ARMC2: variants seen among roughly 807,000 people sequenced by gnomAD.
ARMC2 encodes the protein armadillo repeat-containing protein 2.
A neutral mutation model predicts 90.3 loss-of-function variants in ARMC2; 67 were observed. The ratio of observed to expected loss-of-function variants is 0.74; its 90% CI spans 0.61 to 0.91. The LOEUF (loss-of-function observed/expected upper bound fraction) is 0.91, where lower values mean the gene tolerates loss of function less well. Ranked by LOEUF, ARMC2 falls within the 40% of genes least tolerant of loss-of-function variation. The probability of loss-of-function intolerance (pLI) is 0.00; values close to 1 mark genes in which losing one functional copy is unlikely to be tolerated. For missense variants in ARMC2, 920 were observed against 1,030.9 expected, an observed-to-expected ratio of 0.89 and a Z score of 1.47; for synonymous variants, 393 against 393.0, an observed-to-expected ratio of 1.00 and a Z score of 0.00.
intron 5 of ARMC2, among the ~76,000 whole-genome samples, chr6:108,893,797 G>A (rs9480893): frequency 0.04 from 6,037 of 151,588 alleles, 426 homozygotes; most frequent in African/African-American, 0.14. Flanking sequence ...CGGGCAGATC[G>A]CCTGAGGTCA....
the ARMC2 span, chr6:109,002,430 T>G: frequency 9.9e-7 from 1 of 1,006,988 alleles, no homozygotes; most frequent in Non-Finnish European, 1.6e-6. Flanking sequence ...AAACAACCAG[T>G]CGAACAGAGA....
chr6:108,941,083 T>TAGAC lies in ARMC2; in HGVS notation c.1596+4108_1596+4111dup, dbSNP rs374326514. On this transcript the variant is annotated intron_variant, in intron 12 of 17. Coordinates refer to ENST00000392644, the MANE Select transcript of ARMC2 (RefSeq NM_032131.6). ...AGCCATTGATCACTAGCTAGCTAGC[T>TAGAC]AGACAGACAGACAGACAGACAGACA... is the stretch of plus-strand genomic sequence containing the variant. Among the ~76,000 whole-genome samples the TAGAC allele has an allele frequency of 6.6e-4, 101 of 152,210 alleles. 1 individual carries two copies. The highest frequency in any genetic ancestry group is 6.8e-3 in the Middle Eastern group (2 of 294).
At chr6:108,967,878 G>C (rs1004160434) in intron 17 of ARMC2, among the ~76,000 whole-genome samples, 13 of 152,050 alleles carry the variant, frequency 8.5e-5, no homozygotes, top group Admixed American at 7.2e-4. Context: ...CACATGTTCT[G>C]TTTCATTTCC....
At chr6:108,861,644 A>C (rs1297439656) in intron 3 of ARMC2, among the ~76,000 whole-genome samples, 7 of 152,200 alleles carry the variant, frequency 4.6e-5, no homozygotes, top group Non-Finnish European at 4.4e-5. Flanking sequence ...TATTGCAAGA[A>C]ATAATTTGCC....
At chr6:108,921,033 C>G (rs1279889744) in intron 10 of ARMC2, among the ~76,000 whole-genome samples, 1 of 152,196 alleles carries the variant, frequency 6.6e-6, no homozygotes, top group Non-Finnish European at 1.5e-5. Flanking sequence ...CTCCTCTCTT[C>G]ACTGTAGATC....
chr6:108,960,118 G>A (rs1777883274), intron 13 of ARMC2, among the ~76,000 whole-genome samples: 1 of 152,196 alleles, frequency 6.6e-6, no homozygotes, highest in Non-Finnish European at 1.5e-5. Flanking sequence ...CATATCTTAA[G>A]CTGAATTCAT....
intron 3 of ARMC2, among the ~76,000 whole-genome samples, chr6:108,865,911 G>T (rs1775765512): frequency 6.6e-6 from 1 of 151,720 alleles, no homozygotes; most frequent in South Asian, 2.1e-4. Flanking sequence ...CAGCTACTCA[G>T]GAGGCTGAGG....
chr6:108,886,062 G>A (rs1005315425), intron 5 of ARMC2, among the ~76,000 whole-genome samples: 10 of 152,178 alleles, frequency 6.6e-5, no homozygotes, highest in African/African-American at 2.4e-4. Flanking sequence ...TTTGAAAAAC[G>A]AAGTGTCTTT....
chr6:108,934,299 G>A (rs770040713), intron 11 of ARMC2, among the ~76,000 whole-genome samples: 35 of 152,100 alleles, frequency 2.3e-4, no homozygotes, highest in Admixed American at 7.9e-4. Context: ...TACCTGAATT[G>A]CTTTTGATTA....
At chr6:108,965,207 C>T in intron 17 of ARMC2, 67 bp downstream of exon 17, 4 of 1,404,160 alleles carry the variant, frequency 2.8e-6, no homozygotes, top group Non-Finnish European at 3.9e-6. Context: ...TTTCTGTGAC[C>T]TGTTCGGATA....
At chr6:109,020,645 A>T in the ARMC2 span, among the ~76,000 whole-genome samples, 1 of 151,658 alleles carries the variant, frequency 6.6e-6, no homozygotes, top group African/African-American at 2.4e-5. Context: ...GGAGAGAAGA[A>T]GGTTTTCAGA....
intron 17 of ARMC2, among the ~76,000 whole-genome samples, chr6:108,970,099 A>C (rs1778659705): frequency 1.3e-5 from 2 of 152,196 alleles, no homozygotes. Flanking sequence ...TACTCTTTGC[A>C]GTACAAGTTC....
the ARMC2 span, chr6:109,001,331 T>C: frequency 6.2e-7 from 1 of 1,613,870 alleles, no homozygotes. Context: ...TAACGGCCCA[T>C]CCATTTGCAG....
chr6:108,899,556 TAGTC>T lies in ARMC2; in HGVS notation c.749-135_749-132del, dbSNP rs1405591560. 62 of 683,518 alleles carry T rather than the reference TAGTC, an allele frequency of 9.1e-5. No homozygotes were observed. In the East Asian group the frequency reaches 1.6e-3, roughly 17 times the overall value. The allele number at this position is 683,518 out of a possible 1,614,324, so 42.3% of individuals were successfully genotyped here. On this transcript the variant is annotated intron_variant, in intron 6 of 17. Coordinates refer to ENST00000392644, the MANE Select transcript of ARMC2 (RefSeq NM_032131.6). ...GAAGACCTGTAGTTCTAATGAGAAA[TAGTC>T]AGGCTTGGAGAGCAAAGGGTAATTT...
At chr6:109,018,732 CA>C in the ARMC2 span, among the ~76,000 whole-genome samples, 110 of 152,270 alleles carry the variant, frequency 7.2e-4, 2 homozygotes, top group South Asian at 0.022. Flanking sequence ...AGTTTAACTG[CA>C]GCGTATCTTG....
At chr6:108,993,569 C>T in the ARMC2 span, among the ~76,000 whole-genome samples, 2 of 152,156 alleles carry the variant, frequency 1.3e-5, no homozygotes, top group Non-Finnish European at 2.9e-5. Flanking sequence ...TGCTCTTTCT[C>T]CCACTCTATT....
chr6:108,917,689 C>T (rs1179993613), intron 10 of ARMC2, among the ~76,000 whole-genome samples: 3 of 151,790 alleles, frequency 2.0e-5, no homozygotes, highest in African/African-American at 7.3e-5. Flanking sequence ...ACTCTGTCGC[C>T]CAGGCTGGAA....
At chr6:108,868,697 AG>A (rs778643243) in intron 3 of ARMC2, 126 bp from the exon 4 acceptor site, 83 of 773,966 alleles carry the variant, frequency 1.1e-4, no homozygotes, top group Non-Finnish European at 1.6e-4. Flanking sequence ...TGGTAGAATC[AG>A]GAAGCCAAGA....
chr6:109,039,163 G>GAGAAGAAAGAAGA, the ARMC2 span, among the ~76,000 whole-genome samples: 2 of 151,666 alleles, frequency 1.3e-5, no homozygotes, highest in Non-Finnish European at 2.9e-5. Flanking sequence ...GGAGGAGGAG[G>GAGAAGAAAGAAGA]AGAAGAAAGA....
Sources: allele counts gnomAD v4.1 joint callset (sites outside exome capture counted in the v4.1 genomes callset), GRCh38; gene constraint gnomAD v4.1.1; transcripts MANE v1.5; gene names NCBI Gene and HGNC (gene_info 2026-07-23, HGNC 2026-07-21).